The following PDXDC1 variants were observed in gnomAD, a reference collection of about 807,000 sequenced individuals.
The protein encoded by PDXDC1 is pyridoxal dependent decarboxylase domain containing 1.
Under a neutral mutation model 100.1 loss-of-function variants are expected in PDXDC1, and 42 were observed. The ratio of observed to expected loss-of-function variants is 0.42; its 90% confidence interval spans 0.33 to 0.54. The LOEUF (loss-of-function observed/expected upper bound fraction) is 0.54, where lower values mean the gene tolerates loss of function less well. PDXDC1 is among the 20% of genes least tolerant of loss of function. PDXDC1 has a pLI of 0.10. For synonymous variants in PDXDC1, 260 were observed against 371.7 expected (o/e 0.70, Z 3.46); for missense variants, 636 against 979.2 (o/e 0.65, Z 4.68).
intron 16 of PDXDC1, chr16:15,122,013 C>T (rs967392782): frequency 1.1e-5 from 3 of 281,660 alleles, no homozygotes; most frequent in African/African-American, 4.6e-5. Flanking sequence ...TGGTGGTCTA[C>T]TAAAAATACA....
intron 16 of PDXDC1, chr16:15,092,720 C>G: frequency 1.3e-6 from 1 of 742,338 alleles, no homozygotes; most frequent in Non-Finnish European, 2.3e-6. Context: ...TTGTTAAGGC[C>G]TCTTTACTGG....
rs1022166492 is a variant in PDXDC1 at position 15,035,791 on chromosome 16, G to A, written c.2108-225G>A. ...TTGTCACTGTGGTGTTTACCCTCCT[G>A]GGCGTTTCCTAATGAAGATGACCTT... On this transcript the variant is annotated intron_variant, in intron 22 of 22. Transcript: ENST00000396410. Among the ~76,000 whole-genome samples the A allele has an allele frequency of 1.4e-4, 22 of 152,144 alleles. 1 individual carries two copies. Among genetic ancestry groups the A allele is most frequent in the Non-Finnish European group, 1.5e-5 (1 of 68,030 alleles).
At chr16:14,985,169 C>T (rs1187335218) in intron 1 of PDXDC1, among the ~76,000 whole-genome samples, 2 of 151,788 alleles carry the variant, frequency 1.3e-5, no homozygotes, top group Non-Finnish European at 2.9e-5. Context: ...GAGCCACTGC[C>T]TAAGATGAAA....
chr16:15,079,102 G>A (rs923908819), intron 16 of PDXDC1, among the ~76,000 whole-genome samples: 4 of 151,860 alleles, frequency 2.6e-5, no homozygotes, highest in Admixed American at 6.6e-5. Flanking sequence ...GAGCCACCAC[G>A]CCCGGCCTCC....
At chr16:15,095,298 A>G (rs2046315412) in intron 16 of PDXDC1, among the ~76,000 whole-genome samples, 1 of 152,104 alleles carries the variant, frequency 6.6e-6, no homozygotes, top group Non-Finnish European at 1.5e-5. Context: ...GGAGGGGAAA[A>G]GGTTGCAACT....
At chr16:15,096,701 G>C (rs1373014840) in intron 16 of PDXDC1, among the ~76,000 whole-genome samples, 2 of 152,254 alleles carry the variant, frequency 1.3e-5, no homozygotes, top group Non-Finnish European at 2.9e-5. Context: ...GTTTTGGTTT[G>C]AGACAGGATC....
chr16:15,135,440 A>C, intron 16 of PDXDC1: 1 of 1,259,692 alleles, frequency 7.9e-7, no homozygotes, highest in East Asian at 2.5e-5. Context: ...CTGCAGGCCG[A>C]GAACAAGGGG....
At chr16:15,085,444 C>T (rs1444364054) in intron 16 of PDXDC1, among the ~76,000 whole-genome samples, 2 of 152,078 alleles carry the variant, frequency 1.3e-5, no homozygotes, top group African/African-American at 4.8e-5. Context: ...CACTACCCTG[C>T]CTAGTTCTAC....
chr16:15,111,190 C>T (rs1209926511), intron 16 of PDXDC1, among the ~76,000 whole-genome samples: 9 of 149,546 alleles, frequency 6.0e-5, no homozygotes, highest in African/African-American at 2.2e-4. Context: ...GGCATGTTGG[C>T]TCACTCCCGT....
chr16:15,145,384 TC>T, the PDXDC1 span, among the ~76,000 whole-genome samples: 1 of 152,196 alleles, frequency 6.6e-6, no homozygotes, highest in Non-Finnish European at 1.5e-5. Context: ...GCCCCTGTAC[TC>T]CCACAGCTGT....
intron 16 of PDXDC1, chr16:15,134,092 G>A: frequency 1.9e-6 from 3 of 1,560,572 alleles, no homozygotes; most frequent in Non-Finnish European, 1.7e-6. Flanking sequence ...CAGAAGGGGT[G>A]GTGAGGGGGC....
chr16:15,150,126 C>G, the PDXDC1 span, among the ~76,000 whole-genome samples: 1 of 151,966 alleles, frequency 6.6e-6, no homozygotes, highest in Non-Finnish European at 1.5e-5. Flanking sequence ...GGGTGGATCA[C>G]GAGGTCAGGA....
At chr16:15,006,343 A>T in intron 5 of PDXDC1, 51 bp from the exon 6 acceptor site, 1 of 1,474,038 alleles carries the variant, frequency 6.8e-7, no homozygotes, top group Non-Finnish European at 9.2e-7. Flanking sequence ...AGGTTGACTT[A>T]TACAATCCTT....
chr16:15,033,452 C>T (rs1031034210), intron 19 of PDXDC1, 53 bp downstream of exon 19: 2 of 1,589,796 alleles, frequency 1.3e-6, no homozygotes, highest in East Asian at 2.3e-5. Flanking sequence ...TCCCACCAAA[C>T]AGCAGGGGCC....
chr16:15,130,590 C>T, intron 16 of PDXDC1: 3 of 1,352,872 alleles, frequency 2.2e-6, no homozygotes, highest in Non-Finnish European at 2.1e-6. Flanking sequence ...AATGCTGACC[C>T]ATGATGCCCT....
intron 16 of PDXDC1, among the ~76,000 whole-genome samples, chr16:15,030,811 T>C (rs1409012809): frequency 6.6e-6 from 1 of 151,968 alleles, no homozygotes; most frequent in African/African-American, 2.4e-5. Context: ...TTCCTATATT[T>C]TGATGTCTTG....
Position 15,036,050 on chromosome 16 carries a change from A to C in PDXDC1, c.2142A>C (p.Ser714=). The C allele has an allele frequency of 6.2e-7, 1 of 1,614,150 alleles. No homozygotes were observed. ...QKPFKRSLRG[S]DALSETSSVS... ...CTTTTAAAAGGTCCCTGCGAGGTTC[A>C]GATGCTTTGAGTGAGACCAGCTCAG... The change falls in exon 23 of 23, where the codon TCA becomes TCC. Residue 714 remains serine (S), a synonymous_variant. Coordinates refer to ENST00000396410, the MANE Select transcript of PDXDC1 (RefSeq NM_015027.4).
At chr16:15,077,766 C>T (rs571312274) in intron 16 of PDXDC1, among the ~76,000 whole-genome samples, 3 of 152,138 alleles carry the variant, frequency 2.0e-5, no homozygotes, top group African/African-American at 4.8e-5. Flanking sequence ...GCTTGAACCC[C>T]GGAGGTGGAG....
chr16:15,093,372 C>T (rs2046217633), intron 16 of PDXDC1, among the ~76,000 whole-genome samples: 1 of 152,282 alleles, frequency 6.6e-6, no homozygotes, highest in African/African-American at 2.4e-5. Context: ...ATCTCAAAAG[C>T]TCCTTCTCTC....
Sources: gnomAD v4.1 joint callset for allele counts (sites outside exome capture counted in the v4.1 genomes callset) on GRCh38, gnomAD v4.1.1 for gene constraint, MANE v1.5 for transcripts, NCBI Gene and HGNC (gene_info 2026-07-23, HGNC 2026-07-21) for gene names.